The following ACCSL variants were observed in gnomAD, a reference collection of about 807,000 sequenced individuals.
ACCSL encodes the protein 1-aminocyclopropane-1-carboxylate synthase homolog (inactive) like, also known as probable inactive 1-aminocyclopropane-1-carboxylate synthase-like protein 2.
A neutral mutation model predicts 61.7 loss-of-function variants in ACCSL; 55 were observed. The ratio of observed to expected loss-of-function variants is 0.89; its 90% confidence interval spans 0.72 to 1.12. ACCSL has a LOEUF of 1.12. Among genes scored for constraint, ACCSL ranks in the 50% most tolerant of loss-of-function variants. The pLI is 0.00. For synonymous variants in ACCSL, 258 were observed against 264.3 expected (o/e 0.98, Z 0.23); for missense variants, 632 against 698.0 (o/e 0.91, Z 1.07).
chr11:44,014,643 A>G, the ACCSL span, among the ~76,000 whole-genome samples: 2 of 152,148 alleles, frequency 1.3e-5, no homozygotes, highest in African/African-American at 4.8e-5. Flanking sequence ...GCACAAGGGT[A>G]TCACTACCAG....
At chr11:43,936,948 C>CT in the ACCSL span, among the ~76,000 whole-genome samples, 6 of 152,154 alleles carry the variant, frequency 3.9e-5, no homozygotes, top group Non-Finnish European at 8.8e-5. Flanking sequence ...AGGGGATGAT[C>CT]TTATTGCTAC....
the ACCSL span, among the ~76,000 whole-genome samples, chr11:43,987,936 C>A: frequency 2.0e-5 from 3 of 152,172 alleles, no homozygotes; most frequent in African/African-American, 2.4e-5. Context: ...CCCACCCCCC[C>A]GCAGGGAATT....
At chr11:43,969,887 G>T in the ACCSL span, among the ~76,000 whole-genome samples, 1 of 151,354 alleles carries the variant, frequency 6.6e-6, no homozygotes, top group Non-Finnish European at 1.5e-5. Flanking sequence ...ACAACCCCCT[G>T]AGTGGGTTTC....
the ACCSL span, among the ~76,000 whole-genome samples, chr11:43,953,386 T>G: frequency 1.3e-4 from 19 of 146,360 alleles, no homozygotes; most frequent in African/African-American, 4.8e-4. Context: ...GCCAGGCGTG[T>G]GGTGGGTGCC....
At chr11:44,017,606 A>T in the ACCSL span, among the ~76,000 whole-genome samples, 1 of 152,148 alleles carries the variant, frequency 6.6e-6, no homozygotes, top group Non-Finnish European at 1.5e-5. Flanking sequence ...TCATGAGAAG[A>T]GTGCAGCCAG....
chr11:43,942,806 G>A, the ACCSL span: 24 of 859,440 alleles, frequency 2.8e-5, no homozygotes, highest in South Asian at 5.3e-5. Flanking sequence ...CCCGCCCGGC[G>A]AGCCCCCGGC....
At chr11:43,992,034 T>TTTTCTTTC in the ACCSL span, among the ~76,000 whole-genome samples, 3 of 145,896 alleles carry the variant, frequency 2.1e-5, no homozygotes, top group Non-Finnish European at 4.5e-5. Context: ...TTCCTTTTTC[T>TTTTCTTTC]TTTCTTTCTT....
intron 13 of ACCSL, among the ~76,000 whole-genome samples, chr11:44,059,232 A>C (rs1952691750): frequency 6.6e-6 from 1 of 152,164 alleles, no homozygotes; most frequent in Non-Finnish European, 1.5e-5. Flanking sequence ...ACAGAGTGAG[A>C]CTGTTTCAAG....
the ACCSL span, among the ~76,000 whole-genome samples, chr11:43,982,208 C>T: frequency 1.9e-3 from 278 of 149,064 alleles, 2 homozygotes; most frequent in African/African-American, 6.5e-3. Context: ...TGTCCTGCCT[C>T]TCCCACCCCA....
At chr11:43,978,984 ATTG>A in the ACCSL span, among the ~76,000 whole-genome samples, 2 of 151,642 alleles carry the variant, frequency 1.3e-5, no homozygotes, top group African/African-American at 4.9e-5. Context: ...GGCACTAATT[ATTG>A]TTGTTATTGT....
chr11:43,947,433 G>A, the ACCSL span, among the ~76,000 whole-genome samples: 7 of 152,294 alleles, frequency 4.6e-5, no homozygotes, highest in African/African-American at 1.7e-4. Context: ...TGTGCTCACA[G>A]GCATTCCAAG....
At chr11:43,964,571 A>G in the ACCSL span, among the ~76,000 whole-genome samples, 8 of 152,214 alleles carry the variant, frequency 5.3e-5, no homozygotes, top group Non-Finnish European at 7.4e-5. Flanking sequence ...TCATTCAAAA[A>G]ATAGAAAAGG....
rs765066218 is a variant in ACCSL at position 44,057,508 on chromosome 11, G to A, written c.1328-809G>A. 7.2e-5 allele frequency among the ~76,000 whole-genome samples: 11 copies of A among 152,290 alleles called. 1 individual carries two copies. The South Asian group carries it at 8.3e-4, about 11-fold the overall frequency. ...TTTCCCAGGGAGCTTAAATACTGAC[G>A]TGTGTTCCATCTTCAAAGATCCTGA... On this transcript the variant is annotated intron_variant, in intron 11 of 13. Transcript: ENST00000378832.
chr11:43,925,568 G>A, the ACCSL span: 7 of 410,928 alleles, frequency 1.7e-5, no homozygotes, highest in Non-Finnish European at 3.0e-5. Context: ...GGCCCCGTTC[G>A]CTTTTGCAAG....
chr11:44,006,575 G>A, the ACCSL span, among the ~76,000 whole-genome samples: 1 of 146,968 alleles, frequency 6.8e-6, no homozygotes, highest in Non-Finnish European at 1.5e-5. Flanking sequence ...GTGCAATCTC[G>A]GCTTACTGCA....
chr11:44,016,716 C>A, the ACCSL span, among the ~76,000 whole-genome samples: 4 of 152,100 alleles, frequency 2.6e-5, no homozygotes, highest in African/African-American at 9.7e-5. Context: ...GCCAAGAAAT[C>A]CAGCAGACAA....
the ACCSL span, among the ~76,000 whole-genome samples, chr11:43,983,026 A>G: frequency 6.6e-6 from 1 of 152,294 alleles, no homozygotes; most frequent in Admixed American, 6.5e-5. Context: ...GGTGCAAGAC[A>G]GAGGAGGGGC....
At chr11:44,018,694 C>T in the ACCSL span, among the ~76,000 whole-genome samples, 3 of 152,114 alleles carry the variant, frequency 2.0e-5, no homozygotes, top group Non-Finnish European at 4.4e-5. Context: ...ATATAAAATT[C>T]ACCTTTTTCA....
chr11:43,984,574 A>C, the ACCSL span, among the ~76,000 whole-genome samples: 3 of 152,246 alleles, frequency 2.0e-5, no homozygotes, highest in Non-Finnish European at 4.4e-5. Context: ...TGCTGGGACC[A>C]GACACTGCAA....
Sources: gnomAD v4.1 joint callset for allele counts (sites outside exome capture counted in the v4.1 genomes callset) on GRCh38, gnomAD v4.1.1 for gene constraint, MANE v1.5 for transcripts, NCBI Gene and HGNC (gene_info 2026-07-23, HGNC 2026-07-21) for gene names.